The following OR52N4 variants were observed in gnomAD, a reference collection of about 807,000 sequenced individuals.
OR52N4 encodes the protein olfactory receptor 52N4.
A neutral mutation model predicts 15.0 loss-of-function variants in OR52N4; 15 were observed. That is an observed-to-expected ratio of 1.00 (90% CI 0.67 to 1.54). The LOEUF is 1.54. Ranked by LOEUF, OR52N4 falls within the 40% of genes most tolerant of loss-of-function variation. The pLI is 0.00. For missense variants in OR52N4, 421 were observed against 394.0 expected (o/e 1.07, Z -0.58); for synonymous variants, 143 against 143.7 (o/e 1.00, Z 0.03).
upstream of OR52N4, among the ~76,000 whole-genome samples, chr11:5,753,759 G>C (rs1854236090): frequency 6.6e-6 from 1 of 152,086 alleles, no homozygotes; most frequent in African/African-American, 2.4e-5. Flanking sequence ...TTGGGAGCCT[G>C]ATGTGGGTGG....
chr11:5,744,176 AAGT>A, the OR52N4 span, among the ~76,000 whole-genome samples: 1 of 152,208 alleles, frequency 6.6e-6, no homozygotes, highest in Admixed American at 6.5e-5. Context: ...AATCAAGAAA[AAGT>A]AGAAATACTG....
chr11:5,748,908 G>A, the OR52N4 span, among the ~76,000 whole-genome samples: 2 of 151,828 alleles, frequency 1.3e-5, no homozygotes, highest in African/African-American at 4.8e-5. Context: ...GGGATTATTT[G>A]CTTATATACG....
At chr11:5,727,449 C>G in the OR52N4 span, 1 of 151,978 alleles carries the variant, frequency 6.6e-6, no homozygotes, top group East Asian at 1.9e-4. Context: ...AAATGGGCAT[C>G]AAGGCATCTG....
the OR52N4 span, chr11:5,736,944 CAATT>C: frequency 5.8e-4 from 936 of 1,614,082 alleles, 2 homozygotes; most frequent in Non-Finnish European, 4.3e-4. Flanking sequence ...CGCTATCCAT[CAATT>C]GTCACCAGTT....
chr11:5,727,964 G>A, the OR52N4 span, among the ~76,000 whole-genome samples: 3 of 152,188 alleles, frequency 2.0e-5, no homozygotes, highest in Non-Finnish European at 2.9e-5. Flanking sequence ...TTCAAACCAA[G>A]AGGAGAAAAA....
chr11:5,727,495 T>TTA, the OR52N4 span: 1 of 147,810 alleles, frequency 6.8e-6, no homozygotes, highest in Non-Finnish European at 1.5e-5. Context: ...TAATCCAAAA[T>TTA]AAAAAAAAAA....
At chr11:5,750,108 T>C (rs942646254), upstream of OR52N4, among the ~76,000 whole-genome samples, 1 of 151,964 alleles carries the variant, frequency 6.6e-6, no homozygotes, top group Non-Finnish European at 1.5e-5. Flanking sequence ...GAAATACTAA[T>C]AAAATATTTA....
the OR52N4 span, among the ~76,000 whole-genome samples, chr11:5,740,176 G>A: frequency 7.9e-6 from 1 of 126,508 alleles, no homozygotes; most frequent in Non-Finnish European, 1.7e-5. Flanking sequence ...CATACAATAC[G>A]GGACACATTT....
the OR52N4 span, chr11:5,736,567 G>A: frequency 1.1e-4 from 171 of 1,613,886 alleles, no homozygotes; most frequent in African/African-American, 1.5e-3. Flanking sequence ...CCAAATTCCA[G>A]GTCTCTGAGT....
At chr11:5,743,368 T>C in the OR52N4 span, among the ~76,000 whole-genome samples, 1 of 152,150 alleles carries the variant, frequency 6.6e-6, no homozygotes, top group Non-Finnish European at 1.5e-5. Flanking sequence ...TGAACTTAAA[T>C]TGCCCTCTAG....
At chr11:5,734,836 C>A in the OR52N4 span, among the ~76,000 whole-genome samples, 1 of 152,014 alleles carries the variant, frequency 6.6e-6, no homozygotes, top group Admixed American at 6.6e-5. Flanking sequence ...GCTTTACCTC[C>A]ATTATTGCTT....
At chr11:5,731,063 C>T in the OR52N4 span, among the ~76,000 whole-genome samples, 1 of 152,040 alleles carries the variant, frequency 6.6e-6, no homozygotes, top group South Asian at 2.1e-4. Context: ...CCCTTCCATT[C>T]GTGTATACTG....
Position 5,755,588 on chromosome 11 carries a change from A to G in OR52N4, c.848A>G (p.Tyr283Cys), listed in dbSNP as rs761425296. 1 of 1,613,862 alleles carries G rather than the reference A, an allele frequency of 6.2e-7. No individual in the cohort carries two copies. Among genetic ancestry groups the G allele is most frequent in the South Asian group, 1.1e-5 (1 of 91,082 alleles). ...PSCHIIVANIYLLLPPTMNPI... is the reference protein window; with the variant it reads ...PSCHIIVANICLLLPPTMNPI... ...TGCCACATCATTGTAGCCAATATTT[A>G]TCTGCTCCTACCACCCACTATGAAC... The change falls in exon 2 of 2, where the codon TAT becomes TGT. Residue 283 changes from tyrosine to cysteine, a missense_variant. Transcript: ENST00000641350.
the OR52N4 span, chr11:5,737,073 G>C: frequency 1.2e-6 from 2 of 1,614,060 alleles, no homozygotes; most frequent in African/African-American, 1.3e-5. Flanking sequence ...ATTGAACACT[G>C]CCTGTGCTCT....
At chr11:5,750,483 A>G (rs1488773832), upstream of OR52N4, among the ~76,000 whole-genome samples, 1 of 152,038 alleles carries the variant, frequency 6.6e-6, no homozygotes, top group African/African-American at 2.4e-5. Flanking sequence ...ATCACATTTA[A>G]TAAGACACTG....
the OR52N4 span, chr11:5,738,307 T>C: frequency 6.6e-6 from 1 of 152,278 alleles, no homozygotes; most frequent in Admixed American, 6.5e-5. Flanking sequence ...TTTCACTGGA[T>C]ATGTCCCTTC....
upstream of OR52N4, among the ~76,000 whole-genome samples, chr11:5,753,023 A>T (rs12364223): frequency 0.17 from 26,277 of 152,164 alleles, 2,427 homozygotes; most frequent in East Asian, 0.25. Flanking sequence ...GGAATGTACC[A>T]AAATTTATTT....
At chr11:5,732,418 T>C in the OR52N4 span, among the ~76,000 whole-genome samples, 6 of 152,188 alleles carry the variant, frequency 3.9e-5, no homozygotes, top group South Asian at 2.1e-4. Context: ...ACTCCAAAAA[T>C]AGACAGTTCT....
upstream of OR52N4, among the ~76,000 whole-genome samples, chr11:5,751,207 T>C (rs961717761): frequency 2.0e-5 from 3 of 152,074 alleles, no homozygotes; most frequent in Admixed American, 2.0e-4. Flanking sequence ...TGTTTGTATA[T>C]ATTTTTAAAC....
Sources: allele counts gnomAD v4.1 joint callset (sites outside exome capture counted in the v4.1 genomes callset), GRCh38; gene constraint gnomAD v4.1.1; transcripts MANE v1.5; gene names NCBI Gene and HGNC (gene_info 2026-07-23, HGNC 2026-07-21).